Variants in TSKU observed in about 807,000 individuals in gnomAD.
The protein encoded by TSKU is tsukushi.
A neutral mutation model predicts 11.2 loss-of-function variants in TSKU; 4 were observed. That is an observed-to-expected ratio of 0.36 (90% CI 0.18 to 0.82). The LOEUF (loss-of-function observed/expected upper bound fraction) is 0.82. Ranked by LOEUF, TSKU falls within the 40% of genes least tolerant of loss-of-function variation. The pLI is 0.50. For missense variants in TSKU, 407 were observed against 482.5 expected (o/e 0.84, Z 1.47); for synonymous variants, 220 against 232.2 (o/e 0.95, Z 0.48).
intron 1 of TSKU, among the ~76,000 whole-genome samples, chr11:76,787,560 A>C (rs1249849570): frequency 6.6e-6 from 1 of 152,192 alleles, no homozygotes; most frequent in African/African-American, 2.4e-5. Flanking sequence ...CTGATCCTGC[A>C]GGGTGACTGA....
At chr11:76,785,942 A>G (rs781656301) in intron 1 of TSKU, among the ~76,000 whole-genome samples, 3 of 152,238 alleles carry the variant, frequency 2.0e-5, no homozygotes, top group Non-Finnish European at 4.4e-5. Flanking sequence ...TTCTTGCTCC[A>G]CTGATTTGGT....
chr11:76,794,645 C>A (rs1039534495), intron 1 of TSKU, among the ~76,000 whole-genome samples: 1 of 152,150 alleles, frequency 6.6e-6, no homozygotes, highest in African/African-American at 2.4e-5. Flanking sequence ...AAAGGAAGAA[C>A]CAAAGAGGTG....
chr11:76,788,176 G>A (rs1387624493), intron 1 of TSKU, among the ~76,000 whole-genome samples: 3 of 152,152 alleles, frequency 2.0e-5, no homozygotes, highest in African/African-American at 7.2e-5. Context: ...GAGGGGAGCA[G>A]GGTGGGAGGC....
chr11:76,782,828 C>A (rs138704354), upstream of TSKU: 2 of 152,274 alleles, frequency 1.3e-5, no homozygotes, highest in Admixed American at 1.3e-4. Flanking sequence ...TGGTTTCTTG[C>A]TCCCGGTAGT....
Position 76,796,272 on chromosome 11 carries a change from T to C in TSKU, c.656T>C (p.Val219Ala), listed in dbSNP as rs1944447029. The C allele has an allele frequency of 1.9e-6, 3 of 1,613,078 alleles. No homozygotes were observed. The highest frequency in any genetic ancestry group is 2.2e-5 in the East Asian group (1 of 44,830). ...YLSLDGNPLA[V>A]IGPGAFAGLG... ...AGCCTGGATGGGAACCCTCTAGCTGTCATTGGTCCGGGTGCCTTCGCGGGG... is the reference window on the plus strand; with the variant it reads ...AGCCTGGATGGGAACCCTCTAGCTGCCATTGGTCCGGGTGCCTTCGCGGGG... Residue 219 changes from valine (V) to alanine (A), a missense_variant, in exon 2 of 2, where the codon GTC becomes GCC. Transcript: ENST00000333090. This position sits in a 1 kb window ranked among gnomAD's most constrained non-coding sequence, Gnocchi z 4.1.
At chr11:76,784,650 G>C (rs1944289934) in intron 1 of TSKU, among the ~76,000 whole-genome samples, 1 of 152,136 alleles carries the variant, frequency 6.6e-6, no homozygotes, top group African/African-American at 2.4e-5. Flanking sequence ...TTGGCCTGGC[G>C]AGGAGGTGAC....
intron 1 of TSKU, among the ~76,000 whole-genome samples, chr11:76,785,710 G>GGA (rs1333987710): frequency 1.3e-5 from 2 of 152,178 alleles, no homozygotes; most frequent in Non-Finnish European, 2.9e-5. Flanking sequence ...TGTAGGCAAT[G>GGA]GAGAGCTCCT....
rs759068512 is a variant in TSKU at position 76,796,315 on chromosome 11, C to G, written c.699C>G (p.His233Gln). The change falls in exon 2 of 2, where the codon CAC (histidine) becomes CAG (glutamine). Residue 233 changes from histidine (H) to glutamine (Q), a missense_variant. By Grantham distance (24) the His-to-Gln change is conservative. Transcript: ENST00000333090. The surrounding 1 kb of genome is among the most constrained non-coding windows in gnomAD (Gnocchi z 4.1). The stretch of plus-strand genomic sequence containing the variant: ...TCGCGGGGCTGGGAGGCCTTACACA[C>G]CTGTCTCTGGCCAGCCTGCAGAGGC... ...GAFAGLGGLT[H>Q]LSLASLQRLP... 2.5e-6 allele frequency: 4 copies of G among 1,613,340 alleles called. No individual in the cohort carries two copies. The South Asian group carries it at 4.4e-5, about 18-fold the overall frequency.
At position 76,787,755 on chromosome 11, in the gene TSKU, T is replaced by C. The variant is rs76759634; in HGVS notation, c.-9+4351T>C. Among the ~76,000 whole-genome samples, 376 of 152,292 alleles carry C rather than the reference T, an allele frequency of 2.5e-3. 1 individual carries two copies. Among genetic ancestry groups the C allele is most frequent in the African/African-American group, 8.4e-3 (351 of 41,546 alleles). ...CCACAGTAGGATAGACAGTTAAACA[T>C]GTAAGTACAGTTCAGCATGACCAGG... On this transcript the variant is annotated intron_variant, in intron 1 of 1. Transcript: ENST00000333090.
chr11:76,785,511 G>T (rs1276513492), intron 1 of TSKU, among the ~76,000 whole-genome samples: 1 of 152,178 alleles, frequency 6.6e-6, no homozygotes, highest in Non-Finnish European at 1.5e-5. Flanking sequence ...AGGGGAGGCA[G>T]GAAGAATCTC....
At chr11:76,795,503 C>T (rs1944426746) in intron 1 of TSKU, 106 bp from the exon 2 acceptor site, 7 of 1,347,890 alleles carry the variant, frequency 5.2e-6, no homozygotes, top group South Asian at 4.1e-5. Flanking sequence ...TCCAGGAGGT[C>T]GGGGTCTGTG....
intron 1 of TSKU, among the ~76,000 whole-genome samples, chr11:76,788,032 G>A (rs1469034609): frequency 1.3e-5 from 2 of 152,206 alleles, no homozygotes; most frequent in African/African-American, 4.8e-5. Flanking sequence ...CTGGCCCTCA[G>A]GGCTCCGGGA....
At position 76,796,575 on chromosome 11, in the gene TSKU, T is replaced by C; in HGVS notation, c.959T>C (p.Val320Ala). 6.4e-7 allele frequency: 1 copy of C among 1,566,816 alleles called. No individual in the cohort carries two copies. The highest frequency in any genetic ancestry group is 2.3e-5 in the East Asian group (1 of 43,422). ...CAGGATGTGCGGTGCCGGCGCCTGG[T>C]GCGGGAGGGCACCTACCCCCGGAGG... Reference protein sequence around the residue: ...VGQDVRCRRLVREGTYPRRPG... With the variant: ...VGQDVRCRRLAREGTYPRRPG... The change falls in exon 2 of 2, where the codon GTG becomes GCG. Residue 320 changes from valine (V) to alanine (A), a missense_variant. Transcript: ENST00000333090. The surrounding 1 kb of genome is among the most constrained non-coding windows in gnomAD (Gnocchi z 4.1).
Position 76,795,977 on chromosome 11 carries a change from A to C in TSKU, c.361A>C (p.Thr121Pro), listed in dbSNP as rs200114410. Residue 121 changes from threonine to proline, a missense_variant, in exon 2 of 2, where the codon ACA becomes CCA. By Grantham distance (38) the Thr-to-Pro change is conservative. Transcript: ENST00000333090. ...GCTTGACCTCAGCCACAATGGCCTG[A>C]CAGCCCTGCCAGCCGAGAGCTTCAC... ...ESLDLSHNGL[T>P]ALPAESFTSS... 110 of 1,613,816 alleles carry C rather than the reference A, an allele frequency of 6.8e-5. No homozygotes were observed. The highest frequency in any genetic ancestry group is 3.3e-4 in the Middle Eastern group (2 of 6,062).
At chr11:76,785,969 T>G (rs1055129206) in intron 1 of TSKU, among the ~76,000 whole-genome samples, 7 of 152,340 alleles carry the variant, frequency 4.6e-5, no homozygotes, top group Non-Finnish European at 2.9e-5. Context: ...AATAAGATAA[T>G]GAATTACATG....
chr11:76,794,662 C>G (rs1367810975), intron 1 of TSKU, among the ~76,000 whole-genome samples: 1 of 152,206 alleles, frequency 6.6e-6, no homozygotes, highest in Non-Finnish European at 1.5e-5. Context: ...GGTGTAGTAG[C>G]TTAATCTGCT....
chr11:76,794,862 A>G (rs1944420618), intron 1 of TSKU, among the ~76,000 whole-genome samples: 1 of 152,282 alleles, frequency 6.6e-6, no homozygotes, highest in East Asian at 1.9e-4. Context: ...TGCAGGCCCC[A>G]TTGCAGGGAG....
chr11:76,785,101 A>T (rs1353332034), intron 1 of TSKU, among the ~76,000 whole-genome samples: 1 of 152,206 alleles, frequency 6.6e-6, no homozygotes, highest in Non-Finnish European at 1.5e-5. Context: ...CTCCCCAGGA[A>T]GGCTGCAATG....
rs749669632 is a variant in TSKU at position 76,796,002 on chromosome 11, C to G, written c.386C>G (p.Thr129Ser). 1.5e-5 allele frequency: 24 copies of G among 1,613,664 alleles called. No homozygotes were observed. The South Asian group carries it at 2.4e-4, about 16-fold the overall frequency. ...GLTALPAESF[T>S]SSPLSDVNLS... The stretch of plus-strand genomic sequence containing the variant: ...ACAGCCCTGCCAGCCGAGAGCTTCA[C>G]CAGCTCACCCCTGAGCGACGTGAAC... Residue 129 changes from threonine (T) to serine (S), a missense_variant, in exon 2 of 2, where the codon ACC (threonine) becomes AGC (serine). By Grantham distance (58) the Thr-to-Ser change is moderately conservative (BLOSUM62 1). Coordinates refer to ENST00000333090, the MANE Select transcript of TSKU (RefSeq NM_015516.4). The surrounding 1 kb of genome is among the most constrained non-coding windows in gnomAD (Gnocchi z 4.1).
Sources: gnomAD v4.1 joint callset for allele counts (sites outside exome capture counted in the v4.1 genomes callset) on GRCh38, gnomAD v4.1.1 for gene constraint, Gnocchi (gnomAD v3.1) non-coding constraint, MANE v1.5 for transcripts, NCBI Gene and HGNC (gene_info 2026-07-23, HGNC 2026-07-21) for gene names.